ZFP1: variants seen among roughly 807,000 people sequenced by gnomAD.
The protein encoded by ZFP1 is ZFP1 zinc finger protein.
ZFP1 carries 32 observed loss-of-function variants against 38.5 expected under a neutral mutation model. The observed-to-expected ratio is 0.83, with a 90% CI of 0.63 to 1.12. ZFP1 has a LOEUF of 1.12. Among genes scored for constraint, ZFP1 ranks in the 50% most tolerant of loss-of-function variants. The pLI is 0.00. For missense variants in ZFP1, 616 were observed against 480.8 expected, an observed-to-expected ratio of 1.28 and a Z score of -2.63; for synonymous variants, 245 against 168.8, an observed-to-expected ratio of 1.45 and a Z score of -3.50.
chr16:75,140,898 G>A, the ZFP1 span, among the ~76,000 whole-genome samples: 6 of 152,210 alleles, frequency 3.9e-5, 1 homozygote, highest in South Asian at 1.2e-3. Context: ...GGCGGAGCTT[G>A]CAGTGAGCCG....
chr16:75,158,755 AC>A lies in ZFP1; in HGVS notation c.15+5790del, dbSNP rs552662873. Among the ~76,000 whole-genome samples, 131 of 151,646 alleles carry A rather than the reference AC, an allele frequency of 8.6e-4. 1 individual carries two copies. Among genetic ancestry groups the A allele is most frequent in the South Asian group, 4.4e-3 (21 of 4,806 alleles). On this transcript the variant is annotated intron_variant, in intron 2 of 3. Transcript: ENST00000570010. ...TTTTTAAGTGGTTGCTGTAGAGATT[AC>A]AGCTTATAATCTTAACTGACCACCT... is the stretch of plus-strand genomic sequence containing the variant.
intron 2 of ZFP1, among the ~76,000 whole-genome samples, chr16:75,162,462 T>A (rs1332100120): frequency 6.6e-6 from 1 of 152,200 alleles, no homozygotes; most frequent in Non-Finnish European, 1.5e-5. Context: ...TTTTGCTGTC[T>A]AGTCAGTGCC....
At chr16:75,132,653 T>A in the ZFP1 span, 2 of 28,156 alleles carry the variant, frequency 7.1e-5, no homozygotes, top group Middle Eastern at 0.042. Flanking sequence ...ATTTCATTTC[T>A]TTTTTTTTTT....
the ZFP1 span, among the ~76,000 whole-genome samples, chr16:75,137,865 C>G: frequency 6.6e-6 from 1 of 151,794 alleles, no homozygotes; most frequent in Non-Finnish European, 1.5e-5. Flanking sequence ...CACTGTACCC[C>G]AAGCTTAGGT....
chr16:75,132,082 T>A, the ZFP1 span, among the ~76,000 whole-genome samples: 52,217 of 152,124 alleles, frequency 0.34, 11,293 homozygotes, highest in Middle Eastern at 0.54. Context: ...TTTCATGGCA[T>A]GTATTTGTTA....
the ZFP1 span, among the ~76,000 whole-genome samples, chr16:75,126,610 G>A: frequency 6.6e-6 from 1 of 152,248 alleles, no homozygotes; most frequent in African/African-American, 2.4e-5. Flanking sequence ...CACCATGTTG[G>A]CCTGCTGGTC....
chr16:75,135,870 A>G, the ZFP1 span, among the ~76,000 whole-genome samples: 4 of 152,212 alleles, frequency 2.6e-5, no homozygotes, highest in South Asian at 4.1e-4. Flanking sequence ...GCTGGAGTAC[A>G]GTGGCCCAAT....
At chr16:75,130,210 C>G in the ZFP1 span, among the ~76,000 whole-genome samples, 1 of 151,890 alleles carries the variant, frequency 6.6e-6, no homozygotes, top group Admixed American at 6.6e-5. Flanking sequence ...CATGTTGGCC[C>G]GACTGGTCTC....
At chr16:75,163,364 G>A (rs1266010001) in intron 2 of ZFP1, among the ~76,000 whole-genome samples, 2 of 151,710 alleles carry the variant, frequency 1.3e-5, no homozygotes. Flanking sequence ...GAGTGTAGTA[G>A]TGTAGTGGCA....
intron 2 of ZFP1, among the ~76,000 whole-genome samples, chr16:75,161,099 C>T (rs1301580173): frequency 1.3e-5 from 2 of 152,016 alleles, no homozygotes; most frequent in Non-Finnish European, 2.9e-5. Context: ...TGGAGTCTTG[C>T]TCTTGTTGCC....
At chr16:75,148,378 T>G (rs954025030), upstream of ZFP1, 1 of 152,270 alleles carries the variant, frequency 6.6e-6, no homozygotes, top group African/African-American at 2.4e-5. Context: ...AGGCGAAGAC[T>G]TTCCTGAGAG....
At chr16:75,123,429 A>ATG in the ZFP1 span, among the ~76,000 whole-genome samples, 279 of 31,624 alleles carry the variant, frequency 8.8e-3, 2 homozygotes, top group Middle Eastern at 0.018. Flanking sequence ...ATATATAAGA[A>ATG]TGTGTGTGTG....
In ZFP1 at chr16:75,170,259, C is replaced by G; in HGVS notation, c.1149C>G (p.Ser383=). 6.2e-7 allele frequency: 1 copy of G among 1,613,500 alleles called. No individual in the cohort carries two copies. Among genetic ancestry groups the G allele is most frequent in the Non-Finnish European group, 8.5e-7 (1 of 1,179,708 alleles). The change falls in exon 4 of 4, where the codon TCC becomes TCG. Residue 383 remains serine, a synonymous_variant. Transcript: ENST00000570010. ...CAGGAGAGAAACCATATGAGTGTTC[C>G]GAATGTGGGAAGGCCTTTAGCAGGA... is the stretch of plus-strand genomic sequence containing the variant. The part of the protein sequence containing the change: ...IHTGEKPYEC[S]ECGKAFSRKS...
intron 2 of ZFP1, among the ~76,000 whole-genome samples, chr16:75,153,539 G>T (rs958984634): frequency 6.6e-6 from 1 of 152,130 alleles, no homozygotes; most frequent in Non-Finnish European, 1.5e-5. Context: ...TGTTTTAATA[G>T]ATTTCATTTT....
At chr16:75,143,099 C>T in the ZFP1 span, among the ~76,000 whole-genome samples, 1 of 152,034 alleles carries the variant, frequency 6.6e-6, no homozygotes, top group African/African-American at 2.4e-5. Context: ...AAAATCCAGA[C>T]CATATAGAAT....
chr16:75,161,774 A>ATTTTTT (rs200925992), intron 2 of ZFP1, among the ~76,000 whole-genome samples: 13 of 7,816 alleles, frequency 1.7e-3, no homozygotes, highest in East Asian at 3.4e-3. Flanking sequence ...ATATATATAT[A>ATTTTTT]TTTTTTTTTT....
the ZFP1 span, among the ~76,000 whole-genome samples, chr16:75,119,197 T>C: frequency 6.6e-6 from 1 of 152,230 alleles, no homozygotes; most frequent in East Asian, 1.9e-4. Context: ...GGGGGGTTCA[T>C]ATTTTGGTAA....
rs557868574 is a variant in ZFP1 at position 75,166,325 on chromosome 16, C to T, written c.16-445C>T. 1.1e-4 allele frequency among the ~76,000 whole-genome samples: 16 copies of T among 152,268 alleles called. No individual in the cohort carries two copies. The South Asian group carries it at 1.5e-3, about 14-fold the overall frequency. The stretch of plus-strand genomic sequence containing the variant: ...TTGGCTCACTGCAGCCTCTGCCTCC[C>T]GGGTTTAAGCAGTTCTCCTGTCTCA... On this transcript the variant is annotated intron_variant, in intron 2 of 3. Transcript: ENST00000570010.
chr16:75,153,002 G>T (rs780016647), intron 2 of ZFP1, 36 bp downstream of exon 2: 22 of 1,611,988 alleles, frequency 1.4e-5, no homozygotes, highest in Non-Finnish European at 1.9e-5. Flanking sequence ...TTGCTTTTCA[G>T]TGCATTTAAG....
Sources: gnomAD v4.1 joint callset for allele counts (sites outside exome capture counted in the v4.1 genomes callset) on GRCh38, gnomAD v4.1.1 for gene constraint, MANE v1.5 for transcripts, NCBI Gene and HGNC (gene_info 2026-07-23, HGNC 2026-07-21) for gene names.